DSE: variants seen among roughly 807,000 people sequenced by gnomAD.
DSE encodes dermatan-sulfate epimerase.
In DSE, 36 loss-of-function variants were observed where a neutral mutation model predicts 84.4. The ratio of observed to expected loss-of-function variants is 0.43; its 90% CI spans 0.33 to 0.56. The LOEUF (loss-of-function observed/expected upper bound fraction) is 0.56. Ranked by LOEUF, DSE falls within the 20% of genes least tolerant of loss-of-function variation. The pLI is 0.06. For synonymous variants in DSE, 410 were observed against 430.1 expected, an observed-to-expected ratio of 0.95 and a Z score of 0.58; for missense variants, 862 against 1,169.6, an observed-to-expected ratio of 0.74 and a Z score of 3.84.
intron 2 of DSE, among the ~76,000 whole-genome samples, chr6:116,260,835 G>A (rs1772382749): frequency 6.6e-6 from 1 of 152,064 alleles, no homozygotes. Flanking sequence ...CTGTTCCATT[G>A]GTCTACGTGT....
chr6:116,299,547 T>TACAC (rs1562213572), intron 2 of DSE, among the ~76,000 whole-genome samples: 53 of 50,040 alleles, frequency 1.1e-3, no homozygotes, highest in African/African-American at 1.5e-3. Flanking sequence ...TATATATATA[T>TACAC]ATATACACAT....
chr6:116,430,552 T>G (rs1214427467), intron 3 of DSE, among the ~76,000 whole-genome samples: 1 of 152,216 alleles, frequency 6.6e-6, no homozygotes, highest in Non-Finnish European at 1.5e-5. Flanking sequence ...ATAACTTTTT[T>G]TTTTTTTGAG....
chr6:116,305,126 CA>C lies in DSE; in HGVS notation c.-54+46162del, dbSNP rs139913559. 7.3e-4 allele frequency among the ~76,000 whole-genome samples: 111 copies of C among 152,102 alleles called. 1 individual carries two copies. The East Asian group carries it at 0.02, about 28-fold the overall frequency. ...TCCACTAAATGGTCCAAATTAGAAT[CA>C]AACTTTCCTTTTTTTTTTTTTCTTT... On this transcript the variant is annotated intron_variant, in intron 2 of 3. Coordinates refer to the DSE transcript ENST00000430252.
intron 2 of DSE, among the ~76,000 whole-genome samples, chr6:116,357,819 C>CGT (rs931581765): frequency 6.6e-6 from 1 of 152,166 alleles, no homozygotes; most frequent in African/African-American, 2.4e-5. Flanking sequence ...CGCGTGCGCA[C>CGT]GTGTGTGTGT....
At chr6:116,275,615 A>G (rs1181414386) in intron 2 of DSE, among the ~76,000 whole-genome samples, 2 of 152,174 alleles carry the variant, frequency 1.3e-5, no homozygotes, top group African/African-American at 4.8e-5. Context: ...CCTGGCTAAC[A>G]TGGTGAAACC....
chr6:116,297,893 G>T (rs1774768467), intron 2 of DSE, among the ~76,000 whole-genome samples: 2 of 152,076 alleles, frequency 1.3e-5, no homozygotes, highest in Admixed American at 6.5e-5. Context: ...ACCAGGATTT[G>T]GGTTAAAGGT....
chr6:116,397,840 C>T (rs1481325214), intron 1 of DSE, among the ~76,000 whole-genome samples: 1 of 152,094 alleles, frequency 6.6e-6, no homozygotes. Flanking sequence ...CCACTGCCAT[C>T]GAGTTTCATA....
At chr6:116,377,396 T>C (rs1433388719) in intron 1 of DSE, among the ~76,000 whole-genome samples, 1 of 152,224 alleles carries the variant, frequency 6.6e-6, no homozygotes, top group Non-Finnish European at 1.5e-5. Context: ...ATTGTTGCTG[T>C]CAAATGGCTG....
At chr6:116,385,813 CAA>C (rs57173546) in intron 1 of DSE, among the ~76,000 whole-genome samples, 60,069 of 142,200 alleles carry the variant, frequency 0.42, 12,808 homozygotes, top group African/African-American at 0.56. Context: ...TTAAAGACAG[CAA>C]AAAAAAAAAA....
At position 116,412,623 on chromosome 6, in the gene DSE, C is replaced by T. The variant is rs570065497; in HGVS notation, c.416+12957C>T. On this transcript the variant is annotated intron_variant, in intron 2 of 5. Coordinates refer to ENST00000644252, the MANE Select transcript of DSE (RefSeq NM_013352.4). ...CACTGTGACCTACAGTAACAAACAA[C>T]CCAGTACAGACATAACTTTTTTTAT... The T allele has an allele frequency of 7.9e-5, 12 of 152,260 alleles. No individual in the cohort carries two copies. The East Asian group carries it at 2.3e-3, about 29-fold the overall frequency. 9.4% of individuals were successfully genotyped at this position (152,260 alleles called of 1,614,324 possible). A position where few individuals can be genotyped will look rare whatever the true frequency, so the allele number is the denominator to read the frequency against.
intron 2 of DSE, among the ~76,000 whole-genome samples, chr6:116,320,143 A>G (rs1378364788): frequency 6.6e-6 from 1 of 152,186 alleles, no homozygotes; most frequent in Admixed American, 6.5e-5. Context: ...ACATTACCAG[A>G]TTTCACAGAA....
Position 116,440,817 on chromosome 6 carries a change from CA to C in DSE, c.*3475del, listed in dbSNP as rs760285958. 1.3e-5 allele frequency: 2 copies of C among 152,068 alleles called. No individual in the cohort carries two copies. The highest frequency in any genetic ancestry group is 4.8e-5 in the African/African-American group (2 of 41,402). 9.4% of individuals were successfully genotyped at this position (152,068 alleles called of 1,614,324 possible). The stretch of plus-strand genomic sequence containing the variant: ...GTTAGGGAAGTCTGAAGGTCTAACT[CA>C]AAGTTTGATGCTTTTTAAGCAAGTT... On this transcript the variant is annotated 3_prime_UTR_variant, in exon 6 of 6. Transcript: ENST00000644252.
chr6:116,298,159 A>C (rs60047624), intron 2 of DSE, among the ~76,000 whole-genome samples: 1,920 of 152,308 alleles, frequency 0.013, 46 homozygotes, highest in African/African-American at 0.044. Context: ...TACCAAATCT[A>C]TAAATCTGTT....
intron 2 of DSE, among the ~76,000 whole-genome samples, chr6:116,261,216 G>T (rs1218168583): frequency 6.8e-6 from 1 of 147,562 alleles, no homozygotes; most frequent in Non-Finnish European, 1.5e-5. Flanking sequence ...GTATTCCTAG[G>T]TACTTTATTT....
intron 2 of DSE, among the ~76,000 whole-genome samples, chr6:116,273,306 TA>T (rs542163679): frequency 9.1e-4 from 138 of 152,202 alleles, no homozygotes; most frequent in African/African-American, 3.1e-3. Context: ...ATACAAATCC[TA>T]AAAAAAGTGA....
intron 2 of DSE, among the ~76,000 whole-genome samples, chr6:116,305,883 C>T (rs1003636043): frequency 5.9e-5 from 9 of 152,156 alleles, no homozygotes; most frequent in Non-Finnish European, 1.0e-4. Context: ...CTCAGGTGAT[C>T]CACCCACTTC....
intron 2 of DSE, among the ~76,000 whole-genome samples, chr6:116,364,992 C>G (rs28711014): frequency 0.16 from 24,236 of 151,702 alleles, 2,092 homozygotes; most frequent in African/African-American, 0.21. Flanking sequence ...GCCACCATGC[C>G]CGGCTAATTT....
At chr6:116,369,890 A>G (rs1268989942), upstream of DSE, 1 of 1,288,942 alleles carries the variant, frequency 7.8e-7, no homozygotes, top group Non-Finnish European at 1.0e-6. Context: ...GGAGAAAAGC[A>G]CTGCTCCCAG....
At chr6:116,333,465 T>C (rs1449692792) in intron 2 of DSE, among the ~76,000 whole-genome samples, 2 of 152,204 alleles carry the variant, frequency 1.3e-5, no homozygotes, top group Non-Finnish European at 2.9e-5. Flanking sequence ...ATGAAGAAAG[T>C]GCCCCCATGA....
Sources: allele counts gnomAD v4.1 joint callset (sites outside exome capture counted in the v4.1 genomes callset), GRCh38; gene constraint gnomAD v4.1.1; transcripts MANE v1.5; gene names NCBI Gene and HGNC (gene_info 2026-07-23, HGNC 2026-07-21).